FBXL2: variants seen among roughly 807,000 people sequenced by gnomAD.
FBXL2 encodes F-box/LRR-repeat protein 2.
FBXL2 carries 38 observed loss-of-function variants against 69.2 expected under a neutral mutation model. The ratio of observed to expected loss-of-function variants is 0.55; its 90% confidence interval spans 0.42 to 0.72. FBXL2 has a LOEUF of 0.72. Among genes scored for constraint, FBXL2 ranks in the 30% least tolerant of loss-of-function variants. The pLI, the probability that FBXL2 is intolerant of heterozygous loss-of-function variation, is 0.00. For synonymous variants in FBXL2, 192 were observed against 201.3 expected (o/e 0.95, Z 0.39); for missense variants, 354 against 520.3 (o/e 0.68, Z 3.11).
chr3:33,298,292 GT>G (rs1463387803), intron 2 of FBXL2, among the ~76,000 whole-genome samples: 1 of 152,116 alleles, frequency 6.6e-6, no homozygotes, highest in Non-Finnish European at 1.5e-5. Context: ...TTTGGTTGTT[GT>G]TTTTACTAAG....
intron 5 of FBXL2, among the ~76,000 whole-genome samples, chr3:33,366,542 T>C (rs1171957509): frequency 6.6e-6 from 1 of 152,160 alleles, no homozygotes; most frequent in East Asian, 1.9e-4. Context: ...TGCATACCTG[T>C]AGTCCTAGCT....
downstream of FBXL2, chr3:33,390,111 A>G (rs1234683185): frequency 3.7e-6 from 2 of 535,152 alleles, no homozygotes; most frequent in Non-Finnish European, 6.7e-6. Flanking sequence ...AGCTGGATGC[A>G]TGCTGTGCCG....
chr3:33,323,099 A>G lies in FBXL2; in HGVS notation c.65+25374A>G, dbSNP rs1224955698. On this transcript the variant is annotated intron_variant, in intron 2 of 14. Transcript: ENST00000484457. Reference sequence around the variant, plus strand: ...ATGACTTTTAATAAAATCTAAAGTTATTTTGTCCTTTATGGTAATTTGATT... The same window carrying G: ...ATGACTTTTAATAAAATCTAAAGTTGTTTTGTCCTTTATGGTAATTTGATT... Among the ~76,000 whole-genome samples the G allele has an allele frequency of 4.6e-5, 7 of 152,126 alleles. No homozygotes were observed. The East Asian group carries it at 1.3e-3, about 29-fold the overall frequency.
chr3:33,411,641 G>T, the FBXL2 span: 4 of 1,614,062 alleles, frequency 2.5e-6, no homozygotes, highest in Non-Finnish European at 3.4e-6. Context: ...CATTTAACTG[G>T]CTTGGATTCG....
chr3:33,359,451 ATAT>A, intron 4 of FBXL2, 94 bp downstream of exon 4: 1 of 767,710 alleles, frequency 1.3e-6, no homozygotes, highest in Non-Finnish European at 2.1e-6. Flanking sequence ...TTTAGATCTA[ATAT>A]TAAAGTGCTG....
intron 12 of FBXL2, chr3:33,396,922 C>CTCGATGCT (rs746149066): frequency 5.8e-6 from 5 of 868,846 alleles, no homozygotes; most frequent in Non-Finnish European, 9.5e-6. Context: ...CACAATGCTG[C>CTCGATGCT]CAATGCTCGA....
the FBXL2 span, among the ~76,000 whole-genome samples, chr3:33,422,327 G>A: frequency 6.6e-6 from 1 of 151,970 alleles, no homozygotes; most frequent in Non-Finnish European, 1.5e-5. Context: ...GACTGCTTGA[G>A]CCCAGGAGTA....
chr3:33,280,482 G>A (rs999610058), intron 1 of FBXL2, among the ~76,000 whole-genome samples: 2 of 152,172 alleles, frequency 1.3e-5, no homozygotes, highest in Admixed American at 1.3e-4. Flanking sequence ...GCTGAGATGG[G>A]AGGACTGCTT....
At chr3:33,280,157 A>G (rs2033816411) in intron 1 of FBXL2, among the ~76,000 whole-genome samples, 1 of 152,080 alleles carries the variant, frequency 6.6e-6, no homozygotes, top group African/African-American at 2.4e-5. Context: ...TCCTTCTTTC[A>G]CAAAGTTGAA....
rs1376211851 is a variant in FBXL2 at position 33,385,676 on chromosome 3, C to A, written c.*68C>A. On this transcript the variant is annotated 3_prime_UTR_variant, in exon 15 of 15. Coordinates refer to ENST00000484457, the MANE Select transcript of FBXL2 (RefSeq NM_012157.5). ...TCTAGAAGACCTGAGTCTTCCTGAC[C>A]GACTCCACCATCACCCAATCTGTTG... The A allele has an allele frequency of 6.5e-6, 8 of 1,229,364 alleles. No individual in the cohort carries two copies. Among genetic ancestry groups the A allele is most frequent in the Non-Finnish European group, 8.4e-6 (7 of 834,036 alleles). The allele number at this position is 1,229,364 out of a possible 1,614,324, so 76.2% of individuals were successfully genotyped here.
intron 2 of FBXL2, among the ~76,000 whole-genome samples, chr3:33,316,061 C>CT (rs112932404): frequency 0.11 from 15,327 of 141,434 alleles, 850 homozygotes; most frequent in African/African-American, 0.14. Context: ...GTTTTGCTTA[C>CT]TTTTTTTTTT....
chr3:33,395,796 CTGCTTTTT>C (rs1559667024), intron 12 of FBXL2, among the ~76,000 whole-genome samples: 1 of 147,998 alleles, frequency 6.8e-6, no homozygotes, highest in African/African-American at 2.5e-5. Flanking sequence ...AAAAACCCTC[CTGCTTTTT>C]TGTTAAGCTG....
intron 1 of FBXL2, among the ~76,000 whole-genome samples, chr3:33,282,889 AT>A (rs1292775822): frequency 6.6e-6 from 1 of 152,180 alleles, no homozygotes; most frequent in Non-Finnish European, 1.5e-5. Flanking sequence ...ATTTTTGCAC[AT>A]TGATTTTGTA....
At chr3:33,385,049 T>C (rs969061231) in intron 14 of FBXL2, among the ~76,000 whole-genome samples, 6 of 152,018 alleles carry the variant, frequency 3.9e-5, no homozygotes, top group Non-Finnish European at 8.8e-5. Context: ...AAAAGGCCTA[T>C]GGTAAAGGCA....
intron 2 of FBXL2, chr3:33,302,998 C>A (rs1020507077): frequency 4.4e-6 from 2 of 450,044 alleles, no homozygotes; most frequent in Admixed American, 4.8e-5. Flanking sequence ...AGGTCCTTGG[C>A]AAGCAGTACA....
intron 1 of FBXL2, 143 bp from the exon 2 acceptor site, chr3:33,297,521 T>A (rs2125714965): frequency 1.7e-6 from 1 of 584,888 alleles, no homozygotes; most frequent in South Asian, 2.1e-5. Context: ...AATATTAGAA[T>A]ATGGTGGCTG....
intron 2 of FBXL2, among the ~76,000 whole-genome samples, chr3:33,322,343 G>T (rs1010400597): frequency 1.3e-5 from 2 of 152,040 alleles, no homozygotes; most frequent in Non-Finnish European, 1.5e-5. Context: ...CTCCAAAAGT[G>T]CTGGGATTAC....
At chr3:33,334,770 A>G (rs1411705462) in intron 2 of FBXL2, among the ~76,000 whole-genome samples, 1 of 152,078 alleles carries the variant, frequency 6.6e-6, no homozygotes, top group East Asian at 1.9e-4. Flanking sequence ...AAGACGACAG[A>G]AGAAGGAAGG....
chr3:33,390,419 G>C (rs774530662), downstream of FBXL2: 2 of 1,608,118 alleles, frequency 1.2e-6, no homozygotes, highest in Admixed American at 3.3e-5. Flanking sequence ...AGGAAATTAA[G>C]CCTATTAAAT....
Sources: allele counts gnomAD v4.1 joint callset (sites outside exome capture counted in the v4.1 genomes callset), GRCh38; gene constraint gnomAD v4.1.1; transcripts MANE v1.5; gene names NCBI Gene and HGNC (gene_info 2026-07-23, HGNC 2026-07-21).